Variants in COL26A1 observed in about 807,000 individuals in gnomAD.
COL26A1 encodes collagen type XXVI alpha 1 chain.
A neutral mutation model predicts 59.3 loss-of-function variants in COL26A1; 41 were observed. That is an observed-to-expected ratio of 0.69 (90% CI 0.54 to 0.90). The LOEUF (loss-of-function observed/expected upper bound fraction) is 0.90, where lower values mean the gene tolerates loss of function less well. COL26A1 is among the 40% of genes least tolerant of loss of function. The pLI, the probability that COL26A1 is intolerant of heterozygous loss-of-function variation, is 0.00. For missense variants in COL26A1, 612 were observed against 602.3 expected, an observed-to-expected ratio of 1.02 and a Z score of -0.17; for synonymous variants, 266 against 256.0, an observed-to-expected ratio of 1.04 and a Z score of -0.37.
chr7:101,379,247 G>A (rs9986720), intron 1 of COL26A1, among the ~76,000 whole-genome samples: 118,481 of 151,978 alleles, frequency 0.78, 46,669 homozygotes, highest in Non-Finnish European at 0.83. Flanking sequence ...GGATTTGCCA[G>A]CCTCTTCCCA....
intron 3 of COL26A1, among the ~76,000 whole-genome samples, chr7:101,473,366 G>A (rs562141792): frequency 1.3e-5 from 2 of 152,192 alleles, no homozygotes; most frequent in East Asian, 3.9e-4. Context: ...GTGAGCCACT[G>A]CGCCCGGCCT....
chr7:101,472,108 T>A (rs979929349), intron 3 of COL26A1, among the ~76,000 whole-genome samples: 1 of 151,746 alleles, frequency 6.6e-6, no homozygotes, highest in African/African-American at 2.4e-5. Flanking sequence ...AGGGTCAAGC[T>A]ATCCTCCTGC....
intron 1 of COL26A1, among the ~76,000 whole-genome samples, chr7:101,409,403 T>C (rs1459032211): frequency 6.6e-6 from 1 of 152,244 alleles, no homozygotes; most frequent in African/African-American, 2.4e-5. Context: ...TACATACTCA[T>C]TCTGTGACTT....
Position 101,545,501 on chromosome 7 carries a change from C to T in COL26A1, c.856+11C>T, listed in dbSNP as rs1427804333. 3 of 1,594,296 alleles carry T rather than the reference C, an allele frequency of 1.9e-6. No individual in the cohort carries two copies. Among genetic ancestry groups the T allele is most frequent in the South Asian group, 1.1e-5 (1 of 88,934 alleles). On this transcript the variant is annotated intron_variant, in intron 7 of 12. Coordinates refer to ENST00000313669, the MANE Select transcript of COL26A1 (RefSeq NM_001278563.3). ...CTACAGACAAAGACAGTGAGTAATG[C>T]CCCTGGGGGGCCAAGGGAGGGCTGA...
chr7:101,400,452 C>G (rs1791970180), intron 1 of COL26A1, among the ~76,000 whole-genome samples: 1 of 149,996 alleles, frequency 6.7e-6, no homozygotes, highest in Non-Finnish European at 1.5e-5. Flanking sequence ...ACCTCCACCT[C>G]CTGGATTCAA....
chr7:101,404,217 C>T (rs565519343), intron 1 of COL26A1, among the ~76,000 whole-genome samples: 1 of 152,274 alleles, frequency 6.6e-6, no homozygotes, highest in South Asian at 2.1e-4. Flanking sequence ...GGGTCTTTGA[C>T]TGTGTGATGC....
chr7:101,475,408 A>G (rs1468032812), intron 3 of COL26A1, among the ~76,000 whole-genome samples: 1 of 152,028 alleles, frequency 6.6e-6, no homozygotes, highest in Non-Finnish European at 1.5e-5. Context: ...GTGTGGGGGA[A>G]AGTCAGAAAG....
chr7:101,459,782 C>T (rs1484535943), intron 3 of COL26A1, among the ~76,000 whole-genome samples: 1 of 152,044 alleles, frequency 6.6e-6, no homozygotes, highest in Non-Finnish European at 1.5e-5. Flanking sequence ...ATGAATCCAA[C>T]CAGGACAGGA....
intron 3 of COL26A1, among the ~76,000 whole-genome samples, chr7:101,510,551 C>T (rs373382815): frequency 1.3e-5 from 2 of 152,104 alleles, no homozygotes; most frequent in South Asian, 2.1e-4. Context: ...AGAGACAGGG[C>T]GAGCCTGGGG....
intron 3 of COL26A1, among the ~76,000 whole-genome samples, chr7:101,475,793 CTTCCTTCCTTCCTTCT>C (rs1227802175): frequency 4.5e-5 from 4 of 88,844 alleles, no homozygotes; most frequent in African/African-American, 2.6e-4. Context: ...TCTTTCCTTC[CTTCCTTCCTTCCTTCT>C]TTCTTTCTTT....
At chr7:101,519,874 C>T (rs1183495545) in intron 3 of COL26A1, among the ~76,000 whole-genome samples, 1 of 152,294 alleles carries the variant, frequency 6.6e-6, no homozygotes, top group Middle Eastern at 3.4e-3. Context: ...CACCGCGGCT[C>T]ATTCTCAAGC....
intron 12 of COL26A1, 43 bp from the exon 13 acceptor site, chr7:101,557,327 C>T (rs2130695312): frequency 6.3e-7 from 1 of 1,579,778 alleles, no homozygotes; most frequent in African/African-American, 1.3e-5. Flanking sequence ...CCCAAGTGTT[C>T]CTAAGGCTCT....
At chr7:101,376,632 C>CT (rs1360752214) in intron 1 of COL26A1, among the ~76,000 whole-genome samples, 1 of 152,142 alleles carries the variant, frequency 6.6e-6, no homozygotes, top group Admixed American at 6.5e-5. Context: ...AAAACAGAAG[C>CT]TGTAATCCTG....
intron 2 of COL26A1, among the ~76,000 whole-genome samples, chr7:101,441,059 C>T (rs1378664336): frequency 6.6e-6 from 1 of 152,010 alleles, no homozygotes; most frequent in Non-Finnish European, 1.5e-5. Context: ...AATCAGGGGC[C>T]CGAGATCAGT....
intron 3 of COL26A1, among the ~76,000 whole-genome samples, chr7:101,488,134 T>C (rs1482995925): frequency 6.7e-6 from 1 of 150,366 alleles, no homozygotes; most frequent in Non-Finnish European, 1.5e-5. Context: ...AAACAAAAAT[T>C]AGGCAGATGT....
intron 1 of COL26A1, among the ~76,000 whole-genome samples, chr7:101,401,862 C>G (rs1022216356): frequency 1.1e-4 from 16 of 152,114 alleles, no homozygotes; most frequent in Non-Finnish European, 2.2e-4. Flanking sequence ...CTCTTGTCTC[C>G]AGCGGAAAGC....
At chr7:101,394,966 C>T (rs528874621) in intron 1 of COL26A1, among the ~76,000 whole-genome samples, 1 of 146,004 alleles carries the variant, frequency 6.8e-6, no homozygotes, top group East Asian at 2.0e-4. Context: ...CTCTGCCTCC[C>T]AGGTTAAGTG....
intron 3 of COL26A1, among the ~76,000 whole-genome samples, chr7:101,489,756 CT>C (rs371661818): frequency 6.4e-5 from 5 of 77,694 alleles, no homozygotes; most frequent in Admixed American, 1.1e-4. Context: ...TTTCTTGTCT[CT>C]CTTTCTTTCT....
At chr7:101,539,343 T>TC (rs1795556719) in intron 4 of COL26A1, among the ~76,000 whole-genome samples, 1 of 151,248 alleles carries the variant, frequency 6.6e-6, no homozygotes, top group Non-Finnish European at 1.5e-5. Flanking sequence ...TGCTTTTTTT[T>TC]TCTCTCTCTC....
Sources: allele counts gnomAD v4.1 joint callset (sites outside exome capture counted in the v4.1 genomes callset), GRCh38; gene constraint gnomAD v4.1.1; transcripts MANE v1.5; gene names NCBI Gene and HGNC (gene_info 2026-07-23, HGNC 2026-07-21).